The following DPP10 variants were observed in gnomAD, a reference collection of about 807,000 sequenced individuals.
DPP10 encodes the protein inactive dipeptidyl peptidase 10.
In DPP10, 33 loss-of-function variants were observed where a neutral mutation model predicts 120.9. The ratio of observed to expected loss-of-function variants is 0.27; its 90% CI spans 0.21 to 0.37. The LOEUF is 0.37. Ranked by LOEUF, DPP10 falls within the 10% of genes least tolerant of loss-of-function variation. The pLI is 1.00. For synonymous variants in DPP10, 337 were observed against 326.1 expected (o/e 1.03, Z -0.36); for missense variants, 816 against 942.8 (o/e 0.87, Z 1.76).
chr2:115,408,097 A>G (rs935693368), intron 3 of DPP10, among the ~76,000 whole-genome samples: 2 of 152,044 alleles, frequency 1.3e-5, no homozygotes, highest in South Asian at 4.1e-4. Flanking sequence ...TGACCACGAC[A>G]GGGTGCCATC....
At position 115,351,763 on chromosome 2, in the gene DPP10, A is replaced by T. The variant is rs1372785462; in HGVS notation, c.271+7851A>T. Reference sequence around the variant, plus strand: ...ATGCTTAAAAAGCATACCATGAAGCATATTTACTTCTCTCCAAATGACCAA... The same window carrying T: ...ATGCTTAAAAAGCATACCATGAAGCTTATTTACTTCTCTCCAAATGACCAA... On this transcript the variant is annotated intron_variant, in intron 3 of 25. Coordinates refer to ENST00000410059, the MANE Select transcript of DPP10 (RefSeq NM_020868.6). Among the ~76,000 whole-genome samples the T allele has an allele frequency of 2.6e-5, 4 of 152,178 alleles. No homozygotes were observed. The East Asian group carries it at 5.8e-4, about 22-fold the overall frequency.
At chr2:115,230,115 T>C (rs2057664168) in intron 1 of DPP10, among the ~76,000 whole-genome samples, 1 of 151,970 alleles carries the variant, frequency 6.6e-6, no homozygotes, top group Non-Finnish European at 1.5e-5. Context: ...GTTTTACAGT[T>C]TTTATTGTAG....
intron 3 of DPP10, among the ~76,000 whole-genome samples, chr2:115,409,466 AACTT>A (rs1206474422): frequency 6.6e-6 from 1 of 152,220 alleles, no homozygotes; most frequent in Non-Finnish European, 1.5e-5. Context: ...ATGCGATACC[AACTT>A]ACTTCTGCAA....
chr2:114,956,562 C>A (rs1698221222), intron 1 of DPP10, among the ~76,000 whole-genome samples: 1 of 151,964 alleles, frequency 6.6e-6, no homozygotes, highest in South Asian at 2.1e-4. Flanking sequence ...GTATGAAAAT[C>A]AAAATGTCAT....
At position 115,525,878 on chromosome 2, in the gene DPP10, G is replaced by GTT; in HGVS notation, c.367-12_367-11dup. 1.3e-6 allele frequency: 2 copies of GTT among 1,534,604 alleles called. No homozygotes were observed. The highest frequency in any genetic ancestry group is 2.0e-5 in the Admixed American group (1 of 51,176). On this transcript the variant is annotated intron_variant, in intron 4 of 25. Transcript: ENST00000410059. ...GTTAAGAAGTTTTTAAATATAACTG[G>GTT]TTTTTTTTTCTTTTTCTAGGTAACC...
intron 1 of DPP10, among the ~76,000 whole-genome samples, chr2:114,590,760 T>C (rs1411532627): frequency 2.0e-5 from 3 of 152,198 alleles, no homozygotes; most frequent in African/African-American, 7.2e-5. Context: ...GCATATATAA[T>C]AGTAAAATGT....
At chr2:115,581,133 C>T (rs1030093581) in intron 5 of DPP10, among the ~76,000 whole-genome samples, 1 of 152,224 alleles carries the variant, frequency 6.6e-6, no homozygotes, top group South Asian at 2.1e-4. Flanking sequence ...TAGAGTTTTA[C>T]ATTCTAGAGC....
chr2:114,542,179 C>T (rs1687015244), intron 1 of DPP10, among the ~76,000 whole-genome samples: 2 of 151,330 alleles, frequency 1.3e-5, no homozygotes, highest in South Asian at 2.1e-4. Flanking sequence ...TCCTGAGTAG[C>T]TGGTATGACA....
chr2:115,584,051 G>T (rs141347562), intron 5 of DPP10, among the ~76,000 whole-genome samples: 3 of 152,134 alleles, frequency 2.0e-5, no homozygotes, highest in South Asian at 2.1e-4. Flanking sequence ...AGCAAACAAC[G>T]CCCGCCATCC....
At chr2:114,680,050 A>C (rs1698925381) in intron 1 of DPP10, among the ~76,000 whole-genome samples, 1 of 151,984 alleles carries the variant, frequency 6.6e-6, no homozygotes, top group African/African-American at 2.4e-5. Flanking sequence ...TCTTATCTCG[A>C]ACACTTCTGT....
intron 1 of DPP10, among the ~76,000 whole-genome samples, chr2:114,479,612 G>A (rs549019951): frequency 7.4e-4 from 112 of 152,196 alleles, no homozygotes; most frequent in African/African-American, 2.3e-3. Context: ...CAAGCAATGG[G>A]GAAAGGATTC....
chr2:115,617,289 T>TATATATATATACATAC (rs67359999), intron 5 of DPP10, among the ~76,000 whole-genome samples: 1 of 136,530 alleles, frequency 7.3e-6, no homozygotes, highest in African/African-American at 2.7e-5. Flanking sequence ...TATATATATA[T>TATATATATATACATAC]ACACACATAG....
At chr2:115,011,165 T>C (rs1702235900) in intron 1 of DPP10, among the ~76,000 whole-genome samples, 1 of 152,246 alleles carries the variant, frequency 6.6e-6, no homozygotes, top group African/African-American at 2.4e-5. Flanking sequence ...TTAAATGTTT[T>C]AGATTTGTTG....
At chr2:114,475,472 T>TCTCTCTCTCTGCCC (rs1186267147) in intron 1 of DPP10, among the ~76,000 whole-genome samples, 1 of 151,828 alleles carries the variant, frequency 6.6e-6, no homozygotes, top group South Asian at 2.1e-4. Context: ...ACTGGTTTTC[T>TCTCTCTCTCTGCCC]CTCTCTCTCT....
chr2:115,133,099 A>G (rs1314052873), intron 1 of DPP10, among the ~76,000 whole-genome samples: 1 of 125,654 alleles, frequency 8.0e-6, no homozygotes, highest in African/African-American at 2.9e-5. Context: ...CTCCCAATCT[A>G]TATATATGTA....
intron 5 of DPP10, among the ~76,000 whole-genome samples, chr2:115,572,383 A>T (rs2081387295): frequency 6.6e-6 from 1 of 152,162 alleles, no homozygotes; most frequent in Admixed American, 6.5e-5. Flanking sequence ...TGTTTTTCAA[A>T]CTCTGGAAAT....
intron 1 of DPP10, among the ~76,000 whole-genome samples, chr2:114,607,684 T>A (rs1225128424): frequency 6.6e-6 from 1 of 152,202 alleles, no homozygotes; most frequent in Non-Finnish European, 1.5e-5. Context: ...TCTGTCCTCA[T>A]AGTCATCAAA....
At chr2:115,322,759 T>A (rs2062127390) in intron 2 of DPP10, among the ~76,000 whole-genome samples, 2 of 152,220 alleles carry the variant, frequency 1.3e-5, no homozygotes, top group African/African-American at 4.8e-5. Context: ...CATACAATTT[T>A]TTTTTGGTTT....
intron 3 of DPP10, among the ~76,000 whole-genome samples, chr2:115,462,933 T>C (rs905850348): frequency 6.6e-6 from 1 of 152,192 alleles, no homozygotes; most frequent in Non-Finnish European, 1.5e-5. Flanking sequence ...GGTTTTGTTA[T>C]GTTGCCCAGG....
Sources: gnomAD v4.1 joint callset for allele counts (sites outside exome capture counted in the v4.1 genomes callset) on GRCh38, gnomAD v4.1.1 for gene constraint, MANE v1.5 for transcripts, NCBI Gene and HGNC (gene_info 2026-07-23, HGNC 2026-07-21) for gene names.